CFAP20DC: variants seen among roughly 807,000 people sequenced by gnomAD.
CFAP20DC encodes the protein CFAP20 domain containing.
Under a neutral mutation model 101.7 loss-of-function variants are expected in CFAP20DC, and 84 were observed. The observed-to-expected ratio is 0.83, with a 90% CI of 0.69 to 0.99. CFAP20DC has a LOEUF of 0.99. Among genes scored for constraint, CFAP20DC ranks in the 50% least tolerant of loss-of-function variants. The pLI is 0.00. For missense variants in CFAP20DC, 1,007 were observed against 970.3 expected (o/e 1.04, Z -0.50); for synonymous variants, 359 against 351.2 (o/e 1.02, Z -0.25).
chr3:58,896,556 G>A (rs775186076), intron 6 of CFAP20DC, among the ~76,000 whole-genome samples: 4 of 152,148 alleles, frequency 2.6e-5, no homozygotes, highest in Non-Finnish European at 5.9e-5. Context: ...TGCTTTAGCT[G>A]CATCCCAGAA....
intron 7 of CFAP20DC, among the ~76,000 whole-genome samples, chr3:58,873,896 G>C (rs1351304163): frequency 6.6e-6 from 1 of 151,936 alleles, no homozygotes; most frequent in African/African-American, 2.4e-5. Flanking sequence ...TGAAGCAGAA[G>C]TCTGGATAGC....
chr3:58,865,920 C>A (rs2079649868), intron 11 of CFAP20DC, among the ~76,000 whole-genome samples: 1 of 152,124 alleles, frequency 6.6e-6, no homozygotes, highest in African/African-American at 2.4e-5. Context: ...ATTTCCATAT[C>A]AATTGTAATG....
chr3:58,865,388 T>C (rs1456305164), intron 11 of CFAP20DC, among the ~76,000 whole-genome samples: 1 of 152,232 alleles, frequency 6.6e-6, no homozygotes, highest in South Asian at 2.1e-4. Flanking sequence ...ATAACTTACC[T>C]GTAAAAAGGG....
At chr3:58,994,453 T>A (rs978705100) in intron 4 of CFAP20DC, among the ~76,000 whole-genome samples, 3 of 152,080 alleles carry the variant, frequency 2.0e-5, no homozygotes, top group Non-Finnish European at 4.4e-5. Context: ...ATTTTTTTTT[T>A]AATGGGGAAA....
chr3:58,763,821 T>G (rs1014662643), intron 15 of CFAP20DC, among the ~76,000 whole-genome samples: 1 of 152,210 alleles, frequency 6.6e-6, no homozygotes. Flanking sequence ...CCTGTTTGCC[T>G]GGGTATCAGC....
intron 15 of CFAP20DC, among the ~76,000 whole-genome samples, chr3:58,762,427 G>T (rs1040438844): frequency 1.7e-4 from 26 of 152,256 alleles, no homozygotes; most frequent in African/African-American, 5.1e-4. Context: ...GAGCCTGTGT[G>T]TGTCTCTGCA....
intron 16 of CFAP20DC, among the ~76,000 whole-genome samples, chr3:58,743,730 T>C (rs546660695): frequency 6.6e-6 from 1 of 152,168 alleles, no homozygotes; most frequent in African/African-American, 2.4e-5. Flanking sequence ...AGGATGGTGG[T>C]GGTGGTTGTG....
chr3:58,999,023 G>A (rs1252540493), intron 4 of CFAP20DC, among the ~76,000 whole-genome samples: 3 of 152,182 alleles, frequency 2.0e-5, no homozygotes, highest in Non-Finnish European at 4.4e-5. Context: ...TCACTGATGA[G>A]GACTGAGACA....
intron 4 of CFAP20DC, among the ~76,000 whole-genome samples, chr3:58,955,234 A>T (rs1172194427): frequency 1.3e-5 from 2 of 152,066 alleles, no homozygotes; most frequent in African/African-American, 4.8e-5. Context: ...AGAAAAAAAC[A>T]CCTTCATAAG....
intron 4 of CFAP20DC, among the ~76,000 whole-genome samples, chr3:58,991,582 G>C (rs1171654864): frequency 6.6e-6 from 1 of 152,126 alleles, no homozygotes; most frequent in Non-Finnish European, 1.5e-5. Context: ...GAACGGGGTA[G>C]GGGGAAGTTA....
intron 15 of CFAP20DC, among the ~76,000 whole-genome samples, chr3:58,767,405 T>TA (rs1381135820): frequency 6.6e-6 from 1 of 152,170 alleles, no homozygotes; most frequent in Non-Finnish European, 1.5e-5. Flanking sequence ...TTTACTAGCT[T>TA]AAAAAAACTA....
In CFAP20DC at chr3:58,788,636, T is replaced by C. The variant is rs1247216439; in HGVS notation, c.2237+17759A>G. Among the ~76,000 whole-genome samples, 1 of 151,914 alleles carries C rather than the reference T, an allele frequency of 6.6e-6. No individual in the cohort carries two copies. Among genetic ancestry groups the C allele is most frequent in the African/African-American group, 2.4e-5 (1 of 41,348 alleles). On this transcript the variant is annotated intron_variant, in intron 15 of 16. Coordinates refer to ENST00000482387, the MANE Select transcript of CFAP20DC (RefSeq NM_001394063.1). The surrounding 1 kb of genome is among the most constrained non-coding windows in gnomAD (Gnocchi z 4.2). ...ACCACCACCACAGTGGAAAACACTT[T>C]GACAATCCAATGTGGAACTGTATAT...
chr3:58,737,107 G>T (rs971305302), downstream of CFAP20DC: 3 of 437,186 alleles, frequency 6.9e-6, no homozygotes, highest in Middle Eastern at 6.7e-4. This position sits in a 1 kb window ranked among gnomAD's most constrained non-coding sequence, Gnocchi z 4.1. Flanking sequence ...GAAAATATCT[G>T]CAAGAGACCA....
intron 6 of CFAP20DC, among the ~76,000 whole-genome samples, chr3:58,906,885 C>T (rs551918567): frequency 5.9e-5 from 9 of 152,236 alleles, no homozygotes; most frequent in South Asian, 4.1e-4. Context: ...GCTGTGATCA[C>T]GCCACTGCAC....
chr3:58,950,095 G>A (rs1282516658), intron 4 of CFAP20DC, among the ~76,000 whole-genome samples: 9 of 152,070 alleles, frequency 5.9e-5, no homozygotes, highest in Non-Finnish European at 8.8e-5. Context: ...AAATCAATGT[G>A]CAAAAATCAC....
chr3:59,025,180 T>C (rs1323610696), intron 4 of CFAP20DC, among the ~76,000 whole-genome samples: 2 of 152,206 alleles, frequency 1.3e-5, no homozygotes, highest in East Asian at 3.8e-4. Context: ...CCAGGACTTC[T>C]TGCAGTTGTC....
chr3:58,930,080 C>T (rs1453846218), intron 5 of CFAP20DC, among the ~76,000 whole-genome samples: 1 of 152,170 alleles, frequency 6.6e-6, no homozygotes, highest in African/African-American at 2.4e-5. Context: ...TTCAGAGGGC[C>T]TTCTCTGACC....
downstream of CFAP20DC, among the ~76,000 whole-genome samples, chr3:58,716,262 C>T (rs973565292): frequency 6.8e-6 from 1 of 147,858 alleles, no homozygotes; most frequent in Non-Finnish European, 1.5e-5. Flanking sequence ...CCCGGGTTCA[C>T]GCCATTCTCC....
chr3:58,844,622 G>A (rs1384576255), intron 13 of CFAP20DC, among the ~76,000 whole-genome samples: 1 of 114,904 alleles, frequency 8.7e-6, no homozygotes, highest in Non-Finnish European at 1.6e-5. Context: ...AAGTCAACAA[G>A]GATACCCAGG....
Sources: gnomAD v4.1 joint callset for allele counts (sites outside exome capture counted in the v4.1 genomes callset) on GRCh38, gnomAD v4.1.1 for gene constraint, Gnocchi (gnomAD v3.1) non-coding constraint, MANE v1.5 for transcripts, NCBI Gene and HGNC (gene_info 2026-07-23, HGNC 2026-07-21) for gene names.